The following DDHD2 variants were observed in gnomAD, a reference collection of about 807,000 sequenced individuals.
DDHD2 encodes DDHD domain containing 2.
In DDHD2, 62 loss-of-function variants were observed where a neutral mutation model predicts 91.2. The ratio of observed to expected loss-of-function variants is 0.68; its 90% CI spans 0.55 to 0.84. The LOEUF is 0.84. Among genes scored for constraint, DDHD2 ranks in the 40% least tolerant of loss-of-function variants. The pLI, the probability that DDHD2 is intolerant of heterozygous loss-of-function variation, is 0.00. For synonymous variants in DDHD2, 271 were observed against 293.9 expected, an observed-to-expected ratio of 0.92 and a Z score of 0.80; for missense variants, 740 against 846.9, an observed-to-expected ratio of 0.87 and a Z score of 1.57.
chr8:38,249,788 C>A lies in DDHD2; in HGVS notation c.1329C>A (p.Thr443=). The change falls in exon 11 of 18, where the codon ACC becomes ACA. Residue 443 remains threonine, a synonymous_variant. Coordinates refer to ENST00000397166, the MANE Select transcript of DDHD2 (RefSeq NM_015214.3). ...PRKKILNYFS[T]RKNSMGIKRP... ...AGAAGATATTAAACTATTTCAGCACCAGAAAAAACTCAATGGTATGTGCCT... is the reference window on the plus strand; with the variant it reads ...AGAAGATATTAAACTATTTCAGCACAAGAAAAAACTCAATGGTATGTGCCT... The A allele has an allele frequency of 6.2e-7, 1 of 1,607,788 alleles. No individual in the cohort carries two copies. The highest frequency in any genetic ancestry group is 1.1e-5 in the South Asian group (1 of 90,808).
intron 16 of DDHD2, among the ~76,000 whole-genome samples, chr8:38,259,663 C>T (rs1303858048): frequency 2.6e-5 from 4 of 152,026 alleles, no homozygotes; most frequent in African/African-American, 7.2e-5. Context: ...GGACTACAGG[C>T]GTGAGCCACC....
chr8:38,263,717 A>C (rs1012693344), downstream of DDHD2: 4 of 985,200 alleles, frequency 4.1e-6, no homozygotes. Flanking sequence ...TTAGTTGGCC[A>C]TGCCCTAGAT....
intron 6 of DDHD2, chr8:38,242,017 G>GGT: frequency 5.1e-6 from 2 of 390,918 alleles, no homozygotes; most frequent in Non-Finnish European, 9.1e-6. Context: ...TCTCGCCACT[G>GGT]CACCCCAGCT....
chr8:38,233,039 T>A lies in DDHD2; in HGVS notation c.45T>A (p.Asp15Glu). The change falls in exon 2 of 18, where the codon GAT (aspartate) becomes GAA (glutamate). Residue 15 changes from aspartate (D) to glutamate (E), a missense_variant. Asp to Glu is a conservative substitution (Grantham distance 45). Coordinates refer to ENST00000397166, the MANE Select transcript of DDHD2 (RefSeq NM_015214.3). ...QSQQEQLSQSDPSPSPNSCSS... is the reference protein window; with the variant it reads ...QSQQEQLSQSEPSPSPNSCSS... ...AACAGGAGCAGTTGTCCCAGTCAGA[T>A]CCATCTCCGTCACCAAACTCATGTA... 1 of 1,614,200 alleles carries A rather than the reference T, an allele frequency of 6.2e-7. No homozygotes were observed. The highest frequency in any genetic ancestry group is 8.5e-7 in the Non-Finnish European group (1 of 1,180,044).
chr8:38,256,859 C>T (rs1055058125), intron 16 of DDHD2, among the ~76,000 whole-genome samples: 1 of 152,152 alleles, frequency 6.6e-6, no homozygotes, highest in Admixed American at 6.6e-5. Context: ...GTTTTGCCAC[C>T]AGCAGTTTAC....
At chr8:38,259,962 A>G in intron 16 of DDHD2, 78 bp from the exon 17 acceptor site, 1 of 926,684 alleles carries the variant, frequency 1.1e-6, no homozygotes. Flanking sequence ...GGTTGTATGG[A>G]TTAAATGAGA....
intron 8 of DDHD2, 134 bp from the exon 9 acceptor site, chr8:38,246,099 G>T (rs994002649): frequency 9.1e-6 from 10 of 1,098,028 alleles, no homozygotes; most frequent in Non-Finnish European, 1.4e-5. Flanking sequence ...GAAGGGTGGC[G>T]GTAAATTGGA....
At chr8:38,265,730 G>C (rs1807490161), downstream of DDHD2, 2 of 153,676 alleles carry the variant, frequency 1.3e-5, no homozygotes, top group African/African-American at 4.8e-5. Context: ...CAGGTGTTCT[G>C]TAATTTGGAT....
chr8:38,264,128 T>C, downstream of DDHD2: 2 of 1,012,314 alleles, frequency 2.0e-6, no homozygotes, highest in Non-Finnish European at 2.4e-6. Flanking sequence ...CTAGTTCACC[T>C]GTTCTCTATT....
chr8:38,247,562 T>G lies in DDHD2; in HGVS notation c.1126-151T>G, dbSNP rs564380504. 2.1e-4 allele frequency: 96 copies of G among 454,244 alleles called. 1 individual carries two copies. In the South Asian group the frequency reaches 7.2e-3, roughly 34 times the overall value. 28.1% of individuals were successfully genotyped at this position (454,244 alleles called of 1,614,324 possible). ...ATTTTCAATTGAAGTTGCAAAACCT[T>G]GGAACCTCTTAATTTATATCTTGCA... is the stretch of plus-strand genomic sequence containing the variant. On this transcript the variant is annotated intron_variant, in intron 9 of 17. Coordinates refer to ENST00000397166, the MANE Select transcript of DDHD2 (RefSeq NM_015214.3).
At chr8:38,253,394 G>A in intron 15 of DDHD2, 162 bp from the exon 16 acceptor site, 1 of 765,830 alleles carries the variant, frequency 1.3e-6, no homozygotes, top group Non-Finnish European at 2.1e-6. Context: ...ACTGTGACCT[G>A]AGAAGGAGCT....
chr8:38,236,702 A>G (rs1804794281), intron 3 of DDHD2, among the ~76,000 whole-genome samples: 1 of 151,994 alleles, frequency 6.6e-6, no homozygotes, highest in Non-Finnish European at 1.5e-5. Context: ...TGTAGTAGAG[A>G]TGGGATGGGA....
chr8:38,267,394 G>T (rs754696392), downstream of DDHD2: 3 of 1,612,236 alleles, frequency 1.9e-6, no homozygotes, highest in Admixed American at 5.0e-5. Context: ...GGCGTGGCCT[G>T]GAAGAAAGCA....
At chr8:38,244,256 ATATTTTATTTTT>A (rs1008688876) in intron 7 of DDHD2, among the ~76,000 whole-genome samples, 1 of 149,882 alleles carries the variant, frequency 6.7e-6, no homozygotes, top group Non-Finnish European at 1.5e-5. Flanking sequence ...CCTGAACAGT[ATATTTTATTTTT>A]TATTTTATTT....
downstream of DDHD2, chr8:38,272,143 CA>C (rs1287455254): frequency 4.1e-4 from 63 of 152,320 alleles, no homozygotes; most frequent in African/African-American, 1.4e-3. Flanking sequence ...ACGTTATTTA[CA>C]GACATGTTTT....
chr8:38,260,272 A>G (rs1806893909), intron 17 of DDHD2, 125 bp downstream of exon 17: 2 of 529,518 alleles, frequency 3.8e-6, no homozygotes, highest in Non-Finnish European at 6.6e-6. Context: ...CTAGGCTGCT[A>G]TTCATTTTTA....
intron 10 of DDHD2, among the ~76,000 whole-genome samples, chr8:38,248,358 G>A (rs1191085953): frequency 6.6e-6 from 1 of 150,416 alleles, no homozygotes; most frequent in Non-Finnish European, 1.5e-5. Flanking sequence ...ACCGTGCCCA[G>A]CCAGCTGATT....
chr8:38,266,108 T>C, downstream of DDHD2: 1 of 1,601,898 alleles, frequency 6.2e-7, no homozygotes, highest in Non-Finnish European at 8.5e-7. Flanking sequence ...GAGTGAAATA[T>C]GCAAGCTTCC....
intron 6 of DDHD2, 96 bp from the exon 7 acceptor site, chr8:38,242,154 C>A: frequency 1.0e-6 from 1 of 983,724 alleles, no homozygotes; most frequent in Non-Finnish European, 1.5e-6. Context: ...GTGTTCTGTG[C>A]AAATGTAGTT....
Sources: gnomAD v4.1 joint callset for allele counts (sites outside exome capture counted in the v4.1 genomes callset) on GRCh38, gnomAD v4.1.1 for gene constraint, MANE v1.5 for transcripts, NCBI Gene and HGNC (gene_info 2026-07-23, HGNC 2026-07-21) for gene names.